MAP2K6: variants seen among roughly 807,000 people sequenced by gnomAD.
The protein encoded by MAP2K6 is mitogen-activated protein kinase kinase 6, also known as dual specificity mitogen-activated protein kinase kinase 6.
MAP2K6 carries 16 observed loss-of-function variants against 53.7 expected under a neutral mutation model. The ratio of observed to expected loss-of-function variants is 0.30; its 90% CI spans 0.20 to 0.45. The LOEUF is 0.45. Among genes scored for constraint, MAP2K6 ranks in the 20% least tolerant of loss-of-function variants. The probability of loss-of-function intolerance (pLI) is 1.00; values close to 1 mark genes in which losing one functional copy is unlikely to be tolerated. For missense variants in MAP2K6, 204 were observed against 411.9 expected (o/e 0.50, Z 4.37); for synonymous variants, 132 against 143.1 (o/e 0.92, Z 0.55).
At chr17:69,517,649 C>A in intron 4 of MAP2K6, 36 bp downstream of exon 4, 1 of 1,458,112 alleles carries the variant, frequency 6.9e-7, no homozygotes. Context: ...TTTATATCTG[C>A]TGTGTATACA....
chr17:69,516,459 T>G (rs1279232725), intron 2 of MAP2K6, among the ~76,000 whole-genome samples: 1 of 152,194 alleles, frequency 6.6e-6, no homozygotes, highest in Non-Finnish European at 1.5e-5. Flanking sequence ...CATCTCCTGC[T>G]GACTGGTATT....
chr17:69,523,743 T>G, intron 8 of MAP2K6, 102 bp downstream of exon 8: 5 of 1,440,204 alleles, frequency 3.5e-6, no homozygotes, highest in Non-Finnish European at 4.8e-6. Context: ...GAAATGTACC[T>G]AAGACTCCAG....
At chr17:69,418,593 C>G (rs990111671) in intron 1 of MAP2K6, among the ~76,000 whole-genome samples, 11 of 151,982 alleles carry the variant, frequency 7.2e-5, no homozygotes, top group African/African-American at 2.4e-4. Context: ...CTATTTCGTT[C>G]CCTCTTGTTT....
chr17:69,457,179 C>A (rs1463052205), intron 1 of MAP2K6, among the ~76,000 whole-genome samples: 1 of 152,218 alleles, frequency 6.6e-6, no homozygotes, highest in Non-Finnish European at 1.5e-5. Flanking sequence ...TTGAAGGATG[C>A]AGCTTGGGAT....
intron 1 of MAP2K6, among the ~76,000 whole-genome samples, chr17:69,420,012 G>T (rs117012252): frequency 0.037 from 5,554 of 152,134 alleles, 145 homozygotes; most frequent in Admixed American, 0.067. Context: ...TGGATTGATA[G>T]TTGGGTTCTG....
intron 1 of MAP2K6, among the ~76,000 whole-genome samples, chr17:69,428,703 A>G (rs973856334): frequency 3.9e-5 from 6 of 152,150 alleles, no homozygotes; most frequent in Admixed American, 1.3e-4. Flanking sequence ...TGCATAACTC[A>G]GCCTGGGAAG....
intron 10 of MAP2K6, among the ~76,000 whole-genome samples, chr17:69,531,473 G>C (rs1185971083): frequency 6.6e-6 from 1 of 152,140 alleles, no homozygotes; most frequent in Non-Finnish European, 1.5e-5. Context: ...ACTCTTGTCT[G>C]GCCCATCAGT....
chr17:69,523,731 T>G, intron 8 of MAP2K6, 90 bp downstream of exon 8: 1 of 1,517,302 alleles, frequency 6.6e-7, no homozygotes, highest in Non-Finnish European at 9.1e-7. Context: ...AGAGGGAAAA[T>G]GGAAATGTAC....
At chr17:69,444,169 A>T (rs1906901638) in intron 1 of MAP2K6, among the ~76,000 whole-genome samples, 1 of 152,162 alleles carries the variant, frequency 6.6e-6, no homozygotes, top group Admixed American at 6.6e-5. Context: ...GTACCATTGA[A>T]CTACAATTTG....
At chr17:69,524,844 C>T in intron 8 of MAP2K6, 57 bp from the exon 9 acceptor site, 2 of 1,325,396 alleles carry the variant, frequency 1.5e-6, no homozygotes, top group Non-Finnish European at 1.1e-6. Context: ...GACTATTGAG[C>T]TAAGAACGTT....
intron 1 of MAP2K6, among the ~76,000 whole-genome samples, chr17:69,470,850 A>G (rs1907961713): frequency 6.6e-6 from 1 of 152,136 alleles, no homozygotes; most frequent in African/African-American, 2.4e-5. Flanking sequence ...GGCCTTTACC[A>G]GAATGCCTTG....
At chr17:69,457,864 T>C (rs1020979571) in intron 1 of MAP2K6, among the ~76,000 whole-genome samples, 7 of 152,168 alleles carry the variant, frequency 4.6e-5, no homozygotes, top group African/African-American at 1.7e-4. Flanking sequence ...CCAGAGCTGC[T>C]GCATCAGGAT....
At chr17:69,532,321 G>C (rs1911127180) in intron 10 of MAP2K6, among the ~76,000 whole-genome samples, 1 of 152,200 alleles carries the variant, frequency 6.6e-6, no homozygotes, top group Non-Finnish European at 1.5e-5. Context: ...AAATGATCGG[G>C]GGAATTCAAA....
chr17:69,497,825 T>C (rs2145210176), intron 1 of MAP2K6, among the ~76,000 whole-genome samples: 1 of 152,304 alleles, frequency 6.6e-6, no homozygotes, highest in Admixed American at 6.5e-5. Flanking sequence ...CATGGTCTTT[T>C]TAAACTTTGA....
intron 1 of MAP2K6, among the ~76,000 whole-genome samples, chr17:69,492,556 G>C (rs983331733): frequency 6.6e-6 from 1 of 152,184 alleles, no homozygotes; most frequent in Non-Finnish European, 1.5e-5. Context: ...CTACAGTGAA[G>C]GTATTGGCAT....
At chr17:69,501,390 A>G (rs1025722128) in intron 1 of MAP2K6, among the ~76,000 whole-genome samples, 2 of 152,130 alleles carry the variant, frequency 1.3e-5, no homozygotes, top group African/African-American at 4.8e-5. Flanking sequence ...CTTTGTGCTT[A>G]CCCTCTCAGA....
At chr17:69,511,411 G>A (rs1274931912) in intron 2 of MAP2K6, among the ~76,000 whole-genome samples, 1 of 152,084 alleles carries the variant, frequency 6.6e-6, no homozygotes, top group Non-Finnish European at 1.5e-5. Flanking sequence ...CTTCTGCTGC[G>A]CTTCACAAAA....
At position 69,504,192 on chromosome 17, in the gene MAP2K6, C is replaced by T. The variant is rs574740442; in HGVS notation, c.17-1588C>T. On this transcript the variant is annotated intron_variant, in intron 1 of 11. Coordinates refer to ENST00000590474, the MANE Select transcript of MAP2K6 (RefSeq NM_002758.4). ...GTTTCTTTGCAGCTTCAGGATCTAT[C>T]CAGGGCCATATCCAGGGCTTGTGTT... 9.9e-5 allele frequency among the ~76,000 whole-genome samples: 15 copies of T among 152,170 alleles called. No individual in the cohort carries two copies. The South Asian group carries it at 2.3e-3, about 23-fold the overall frequency.
intron 1 of MAP2K6, chr17:69,504,694 C>T (rs1471006987): frequency 6.5e-6 from 1 of 153,962 alleles, no homozygotes; most frequent in African/African-American, 2.4e-5. Flanking sequence ...TTGCTCTGTT[C>T]TGCTTCCTGA....
Sources: allele counts gnomAD v4.1 joint callset (sites outside exome capture counted in the v4.1 genomes callset), GRCh38; gene constraint gnomAD v4.1.1; transcripts MANE v1.5; gene names NCBI Gene and HGNC (gene_info 2026-07-23, HGNC 2026-07-21).